CSMD3: variants seen among roughly 807,000 people sequenced by gnomAD.
CSMD3 encodes the protein CUB and Sushi multiple domains 3.
In CSMD3, 177 loss-of-function variants were observed where a neutral mutation model predicts 435.2. That is an observed-to-expected ratio of 0.41 (90% CI 0.36 to 0.46). The LOEUF (loss-of-function observed/expected upper bound fraction) is 0.46. Among genes scored for constraint, CSMD3 ranks in the 20% least tolerant of loss-of-function variants. The probability of loss-of-function intolerance (pLI) is 0.34; values close to 1 mark genes in which losing one functional copy is unlikely to be tolerated. For missense variants in CSMD3, 4,265 were observed against 4,504.6 expected (o/e 0.95, Z 1.52); for synonymous variants, 1,656 against 1,520.5 (o/e 1.09, Z -2.07).
chr8:112,347,027 C>T (rs957908954), intron 40 of CSMD3, among the ~76,000 whole-genome samples: 3 of 151,932 alleles, frequency 2.0e-5, no homozygotes, highest in African/African-American at 7.3e-5. Context: ...TCACATATTA[C>T]ACATTAGATA....
chr8:113,356,518 C>T (rs951827467), intron 1 of CSMD3, among the ~76,000 whole-genome samples: 7 of 152,066 alleles, frequency 4.6e-5, no homozygotes, highest in Admixed American at 3.9e-4. Context: ...TTTCACACTC[C>T]TTTTCCAAGA....
At chr8:112,330,314 A>G (rs1039433091) in intron 45 of CSMD3, among the ~76,000 whole-genome samples, 112 of 152,226 alleles carry the variant, frequency 7.4e-4, no homozygotes, top group African/African-American at 2.6e-3. Flanking sequence ...TCATTCTTCA[A>G]TAGAAAATGT....
intron 22 of CSMD3, among the ~76,000 whole-genome samples, chr8:112,633,266 T>G (rs1189196145): frequency 2.0e-5 from 3 of 151,508 alleles, no homozygotes; most frequent in Admixed American, 6.6e-5. Flanking sequence ...TCTGAAGCCA[T>G]GTATCAACTA....
At chr8:113,216,262 T>C (rs1278528402) in intron 3 of CSMD3, among the ~76,000 whole-genome samples, 3 of 151,940 alleles carry the variant, frequency 2.0e-5, no homozygotes, top group Non-Finnish European at 2.9e-5. Context: ...TCTTGATTAG[T>C]GATAAAAAGC....
chr8:112,901,880 T>C (rs2082116399), intron 10 of CSMD3, among the ~76,000 whole-genome samples: 1 of 151,346 alleles, frequency 6.6e-6, no homozygotes, highest in Admixed American at 6.6e-5. Context: ...TCGGGTAAAG[T>C]TCAAAATGGG....
intron 4 of CSMD3, among the ~76,000 whole-genome samples, chr8:113,105,133 A>G (rs868576744): frequency 6.6e-6 from 1 of 152,108 alleles, no homozygotes; most frequent in African/African-American, 2.4e-5. Context: ...ATCAAGTAAT[A>G]AACATGAAAG....
chr8:112,716,565 A>G (rs2076733500), intron 13 of CSMD3, among the ~76,000 whole-genome samples: 1 of 152,140 alleles, frequency 6.6e-6, no homozygotes, highest in South Asian at 2.1e-4. Flanking sequence ...CATAATGACA[A>G]AAAGAACCAC....
intron 12 of CSMD3, among the ~76,000 whole-genome samples, chr8:112,813,602 G>A (rs757875208): frequency 6.6e-6 from 1 of 152,052 alleles, no homozygotes; most frequent in African/African-American, 2.4e-5. Flanking sequence ...CAAAATTTTC[G>A]CTGTTTATAG....
intron 38 of CSMD3, among the ~76,000 whole-genome samples, chr8:112,366,808 A>T (rs1411942843): frequency 1.3e-5 from 2 of 152,216 alleles, no homozygotes; most frequent in Non-Finnish European, 2.9e-5. Flanking sequence ...AATGTAAAAA[A>T]GATGGCATTG....
chr8:112,492,029 GAAGA>G (rs1212082577), intron 31 of CSMD3, among the ~76,000 whole-genome samples: 1 of 152,070 alleles, frequency 6.6e-6, no homozygotes, highest in Non-Finnish European at 1.5e-5. Context: ...CTAATTCCTA[GAAGA>G]AATACATATT....
At chr8:113,144,653 C>A (rs571546049) in intron 4 of CSMD3, among the ~76,000 whole-genome samples, 1 of 151,428 alleles carries the variant, frequency 6.6e-6, no homozygotes, top group African/African-American at 2.4e-5. Flanking sequence ...TTACTCTGTG[C>A]CCCCTAGTAA....
chr8:112,887,111 G>A (rs544084715), intron 10 of CSMD3, among the ~76,000 whole-genome samples: 2 of 150,976 alleles, frequency 1.3e-5, no homozygotes, highest in African/African-American at 2.4e-5. Context: ...CACTTCATAG[G>A]TTTGTTGAGA....
chr8:112,939,040 C>T (rs906848596), intron 9 of CSMD3, among the ~76,000 whole-genome samples: 1 of 152,010 alleles, frequency 6.6e-6, no homozygotes, highest in African/African-American at 2.4e-5. Flanking sequence ...GATATTATAT[C>T]ACCTCTTAAT....
At chr8:112,513,511 A>G (rs953374552) in intron 28 of CSMD3, among the ~76,000 whole-genome samples, 5 of 152,190 alleles carry the variant, frequency 3.3e-5, no homozygotes, top group African/African-American at 1.2e-4. Flanking sequence ...AACAATTACA[A>G]TAGTAACATA....
intron 41 of CSMD3, among the ~76,000 whole-genome samples, chr8:112,345,083 T>A (rs187549423): frequency 6.6e-6 from 1 of 152,266 alleles, no homozygotes; most frequent in East Asian, 1.9e-4. Flanking sequence ...TGTCTAGCTA[T>A]ATCAGTCTAT....
intron 60 of CSMD3, 34 bp downstream of exon 60, chr8:112,265,377 C>T (rs1816840547): frequency 6.6e-7 from 1 of 1,512,536 alleles, no homozygotes; most frequent in Non-Finnish European, 9.2e-7. Context: ...GTACTGGTTA[C>T]CATTTTTAAA....
intron 69 of CSMD3, among the ~76,000 whole-genome samples, chr8:112,230,693 TC>T (rs35764572): frequency 6.6e-6 from 1 of 151,976 alleles, no homozygotes; most frequent in Non-Finnish European, 1.5e-5. Context: ...TGGTCTGTAA[TC>T]CCAGCTACTC....
chr8:112,282,781 C>A (rs1339197236), intron 58 of CSMD3, among the ~76,000 whole-genome samples: 1 of 152,018 alleles, frequency 6.6e-6, no homozygotes, highest in East Asian at 1.9e-4. Flanking sequence ...TTAAAGCTTG[C>A]TGGATACAAT....
chr8:112,927,904 T>C (rs929550155), intron 9 of CSMD3, among the ~76,000 whole-genome samples: 1 of 152,294 alleles, frequency 6.6e-6, no homozygotes, highest in Middle Eastern at 3.4e-3. Flanking sequence ...TATCTTGCTT[T>C]GTGGAATGCT....
Sources: gnomAD v4.1 joint callset for allele counts (sites outside exome capture counted in the v4.1 genomes callset) on GRCh38, gnomAD v4.1.1 for gene constraint, MANE v1.5 for transcripts, NCBI Gene and HGNC (gene_info 2026-07-23, HGNC 2026-07-21) for gene names.